The following LUZP2 variants were observed in gnomAD, a reference collection of about 807,000 sequenced individuals.
The protein encoded by LUZP2 is leucine zipper protein 2.
A neutral mutation model predicts 51.6 loss-of-function variants in LUZP2; 52 were observed. The observed-to-expected ratio is 1.01, with a 90% CI of 0.81 to 1.27. The LOEUF (loss-of-function observed/expected upper bound fraction) is 1.27. Ranked by LOEUF, LUZP2 falls within the 50% of genes most tolerant of loss-of-function variation. The pLI, the probability that LUZP2 is intolerant of heterozygous loss-of-function variation, is 0.00. For synonymous variants in LUZP2, 154 were observed against 137.3 expected, an observed-to-expected ratio of 1.12 and a Z score of -0.85; for missense variants, 436 against 395.4, an observed-to-expected ratio of 1.10 and a Z score of -0.87.
chr11:24,749,376 C>T (rs1339293155), intron 4 of LUZP2, among the ~76,000 whole-genome samples: 3 of 152,112 alleles, frequency 2.0e-5, no homozygotes, highest in Admixed American at 6.6e-5. Context: ...GTTATACGCC[C>T]CTGTGATGGC....
intron 7 of LUZP2, among the ~76,000 whole-genome samples, chr11:24,974,724 A>G (rs1039927486): frequency 1.2e-4 from 18 of 152,050 alleles, no homozygotes; most frequent in Non-Finnish European, 2.4e-4. Flanking sequence ...AGATATCTAA[A>G]CGATAAGAAG....
chr11:24,633,725 C>T (rs7941650), intron 1 of LUZP2, among the ~76,000 whole-genome samples: 4,550 of 151,802 alleles, frequency 0.03, 98 homozygotes, highest in South Asian at 0.11. Flanking sequence ...TGTTTTCTAT[C>T]TCATAATGAA....
intron 1 of LUZP2, among the ~76,000 whole-genome samples, chr11:24,602,074 GTA>G (rs1191023788): frequency 3.4e-5 from 2 of 59,200 alleles, no homozygotes; most frequent in East Asian, 2.8e-4. Context: ...ATATATATGC[GTA>G]TATATGTGTA....
intron 5 of LUZP2, among the ~76,000 whole-genome samples, chr11:24,898,386 A>G (rs1853154067): frequency 6.6e-6 from 1 of 152,204 alleles, no homozygotes; most frequent in Admixed American, 6.5e-5. Flanking sequence ...GCATTTTGGG[A>G]GGCCGAGGTG....
intron 1 of LUZP2, among the ~76,000 whole-genome samples, chr11:24,654,222 A>G (rs1855727346): frequency 6.6e-6 from 1 of 152,148 alleles, no homozygotes; most frequent in Non-Finnish European, 1.5e-5. Flanking sequence ...AATTCCTTTC[A>G]GTGTCTACTT....
intron 7 of LUZP2, among the ~76,000 whole-genome samples, chr11:24,965,960 A>G (rs1219541090): frequency 6.6e-6 from 1 of 151,804 alleles, no homozygotes; most frequent in African/African-American, 2.4e-5. Context: ...GGCAAAGATA[A>G]TGCAATAACT....
intron 10 of LUZP2, among the ~76,000 whole-genome samples, chr11:25,071,663 C>G (rs1859161383): frequency 6.6e-6 from 1 of 151,112 alleles, no homozygotes; most frequent in African/African-American, 2.4e-5. Context: ...ACACCGGGGC[C>G]TGTCATGGGG....
chr11:24,730,286 A>G (rs1383293463), intron 2 of LUZP2, among the ~76,000 whole-genome samples: 1 of 151,854 alleles, frequency 6.6e-6, no homozygotes, highest in Non-Finnish European at 1.5e-5. Flanking sequence ...AAACAGAATT[A>G]GAGAAAAGTT....
chr11:25,022,860 G>A (rs982051415), intron 9 of LUZP2, among the ~76,000 whole-genome samples: 2 of 152,062 alleles, frequency 1.3e-5, no homozygotes, highest in African/African-American at 2.4e-5. Flanking sequence ...TGGCATGAAA[G>A]GCTGTTGAAT....
At chr11:24,569,634 G>A (rs1344814016) in intron 1 of LUZP2, among the ~76,000 whole-genome samples, 3 of 151,908 alleles carry the variant, frequency 2.0e-5, no homozygotes, top group Non-Finnish European at 2.9e-5. Context: ...GAAAATAGTT[G>A]TTTGTAATGC....
chr11:24,601,920 GTA>G (rs760256861), intron 1 of LUZP2, among the ~76,000 whole-genome samples: 1,038 of 71,760 alleles, frequency 0.014, 29 homozygotes, highest in South Asian at 0.067. Context: ...ATGTATATAT[GTA>G]TATATATGTA....
intron 1 of LUZP2, among the ~76,000 whole-genome samples, chr11:24,652,428 G>A (rs1323623456): frequency 1.3e-5 from 2 of 152,030 alleles, no homozygotes; most frequent in Admixed American, 1.3e-4. Flanking sequence ...ATCTTAGATG[G>A]ACTATGAAGA....
chr11:24,842,089 A>T (rs1851050298), intron 5 of LUZP2, among the ~76,000 whole-genome samples: 1 of 151,562 alleles, frequency 6.6e-6, no homozygotes, highest in Non-Finnish European at 1.5e-5. Flanking sequence ...ATATAAAAAA[A>T]TAGATATACT....
chr11:24,840,811 T>C (rs917861664), intron 5 of LUZP2, among the ~76,000 whole-genome samples: 39 of 151,990 alleles, frequency 2.6e-4, no homozygotes, highest in African/African-American at 9.2e-4. Context: ...TTTGATGTTC[T>C]TTTAATGCAT....
chr11:24,878,678 C>A (rs1852355699), intron 5 of LUZP2, among the ~76,000 whole-genome samples: 1 of 151,790 alleles, frequency 6.6e-6, no homozygotes. Flanking sequence ...TTCCGGGACA[C>A]ATGTGCAGAA....
chr11:24,832,179 T>C (rs1049948129), intron 5 of LUZP2: 1 of 151,936 alleles, frequency 6.6e-6, no homozygotes, highest in Non-Finnish European at 1.5e-5. Flanking sequence ...AATAATGAAA[T>C]CCATTACTGA....
chr11:24,855,942 A>G (rs1851552695), intron 5 of LUZP2, among the ~76,000 whole-genome samples: 1 of 152,138 alleles, frequency 6.6e-6, no homozygotes, highest in Non-Finnish European at 1.5e-5. Flanking sequence ...CTTACCATAT[A>G]TAAAAATTGA....
At chr11:25,044,257 G>GTGTGTA (rs1485990610) in intron 9 of LUZP2, among the ~76,000 whole-genome samples, 1 of 60,760 alleles carries the variant, frequency 1.6e-5, no homozygotes, top group African/African-American at 5.4e-5. Flanking sequence ...GTGTGTGTGT[G>GTGTGTA]TATATATATA....
intron 1 of LUZP2, among the ~76,000 whole-genome samples, chr11:24,574,912 T>A (rs150993012): frequency 1.3e-3 from 203 of 152,256 alleles, no homozygotes; most frequent in African/African-American, 4.2e-3. Flanking sequence ...TGTAAAGTAA[T>A]CCTCTTAAGG....
Sources: allele counts gnomAD v4.1 joint callset (sites outside exome capture counted in the v4.1 genomes callset), GRCh38; gene constraint gnomAD v4.1.1; transcripts MANE v1.5; gene names NCBI Gene and HGNC (gene_info 2026-07-23, HGNC 2026-07-21).